Variants in NKAIN3 observed in about 807,000 individuals in gnomAD.
NKAIN3 encodes the protein sodium/potassium transporting ATPase interacting 3, also known as sodium/potassium-transporting ATPase subunit beta-1-interacting protein 3.
A neutral mutation model predicts 30.2 loss-of-function variants in NKAIN3; 25 were observed. The observed-to-expected ratio is 0.83, with a 90% CI of 0.60 to 1.16. The LOEUF is 1.16. Among genes scored for constraint, NKAIN3 ranks in the 50% most tolerant of loss-of-function variants. The pLI is 0.00. For synonymous variants in NKAIN3, 91 were observed against 89.6 expected (o/e 1.02, Z -0.09); for missense variants, 225 against 254.1 (o/e 0.89, Z 0.78).
intron 4 of NKAIN3, among the ~76,000 whole-genome samples, chr8:62,893,695 A>G (rs1821356026): frequency 1.3e-5 from 2 of 152,214 alleles, no homozygotes; most frequent in South Asian, 2.1e-4. Flanking sequence ...CACATAACTA[A>G]CTGTGTACAC....
intron 4 of NKAIN3, among the ~76,000 whole-genome samples, chr8:62,905,102 G>T (rs1821737692): frequency 6.6e-6 from 1 of 152,158 alleles, no homozygotes; most frequent in African/African-American, 2.4e-5. Flanking sequence ...TGCAGAGACT[G>T]TTCAGACTAG....
chr8:62,694,766 A>C (rs1169128350), intron 3 of NKAIN3, among the ~76,000 whole-genome samples: 1 of 152,166 alleles, frequency 6.6e-6, no homozygotes, highest in Admixed American at 6.5e-5. Flanking sequence ...TCTCACTAAA[A>C]CCAAATATTA....
At chr8:62,880,583 G>A (rs1054469562) in intron 4 of NKAIN3, among the ~76,000 whole-genome samples, 19 of 152,186 alleles carry the variant, frequency 1.2e-4, no homozygotes, top group Admixed American at 1.1e-3. Context: ...ACTTTAAGTA[G>A]ATTGATCTTT....
intron 4 of NKAIN3, among the ~76,000 whole-genome samples, chr8:62,844,690 A>G (rs1281509143): frequency 6.6e-6 from 1 of 152,296 alleles, no homozygotes; most frequent in East Asian, 1.9e-4. Context: ...GCTGTACATT[A>G]GAATTTAATG....
chr8:62,905,938 T>C (rs1180229444), intron 4 of NKAIN3, among the ~76,000 whole-genome samples: 1 of 152,188 alleles, frequency 6.6e-6, no homozygotes, highest in Non-Finnish European at 1.5e-5. Flanking sequence ...GTCATTGCTC[T>C]TTACCTGAGA....
At chr8:62,470,243 G>C (rs1806288802) in intron 1 of NKAIN3, among the ~76,000 whole-genome samples, 1 of 152,146 alleles carries the variant, frequency 6.6e-6, no homozygotes, top group Non-Finnish European at 1.5e-5. Context: ...GGCAGTTCTA[G>C]TGCTGTGGTA....
chr8:62,396,315 A>G (rs1439271544), intron 1 of NKAIN3, among the ~76,000 whole-genome samples: 2 of 152,190 alleles, frequency 1.3e-5, no homozygotes, highest in Non-Finnish European at 1.5e-5. Context: ...AAGTCCCCTC[A>G]AAAGCCCCCT....
intron 1 of NKAIN3, among the ~76,000 whole-genome samples, chr8:62,499,441 A>AGTC (rs1807347839): frequency 6.6e-6 from 1 of 152,178 alleles, no homozygotes; most frequent in African/African-American, 2.4e-5. Context: ...ATTCCACTGA[A>AGTC]TGATTCCCAA....
intron 3 of NKAIN3, among the ~76,000 whole-genome samples, chr8:62,731,280 C>T (rs1194281849): frequency 6.7e-6 from 1 of 149,410 alleles, no homozygotes; most frequent in African/African-American, 2.5e-5. Context: ...CACACCCTTC[C>T]TTCTATACAA....
In NKAIN3 at chr8:62,983,167, C is replaced by G. The variant is rs142619669; in HGVS notation, c.*17760C>G. 1 of 152,084 alleles carries G rather than the reference C, an allele frequency of 6.6e-6. No individual in the cohort carries two copies. Among genetic ancestry groups the G allele is most frequent in the Non-Finnish European group, 1.5e-5 (1 of 68,040 alleles). 9.4% of individuals were successfully genotyped at this position (152,084 alleles called of 1,614,324 possible). ...ACTGGGAGACAAATTATGATTGTTG[C>G]GTCCTTCTTTGAAAACACCCCTGCT... On this transcript the variant is annotated 3_prime_UTR_variant, in exon 7 of 7. Transcript: ENST00000623646.
chr8:62,963,643 T>C (rs1017162446), intron 6 of NKAIN3, among the ~76,000 whole-genome samples: 6 of 152,180 alleles, frequency 3.9e-5, no homozygotes, highest in African/African-American at 1.2e-4. Context: ...AATTCCACCA[T>C]TATAATCCCA....
intron 1 of NKAIN3, among the ~76,000 whole-genome samples, chr8:62,461,149 T>G (rs1006918531): frequency 2.0e-5 from 3 of 152,144 alleles, no homozygotes; most frequent in Admixed American, 6.5e-5. Flanking sequence ...TGAAAGTATG[T>G]CTCAACACAC....
intron 1 of NKAIN3, among the ~76,000 whole-genome samples, chr8:62,327,877 T>C (rs947340635): frequency 2.6e-5 from 4 of 152,108 alleles, no homozygotes; most frequent in Non-Finnish European, 4.4e-5. Context: ...GGGGGGATTG[T>C]TGACATTTTA....
intron 4 of NKAIN3, among the ~76,000 whole-genome samples, chr8:62,887,763 A>G (rs1031921931): frequency 6.6e-6 from 1 of 151,990 alleles, no homozygotes; most frequent in Non-Finnish European, 1.5e-5. Context: ...CTCTGCTTAC[A>G]TTGTCCTTGT....
chr8:62,553,333 G>T (rs562715154), intron 1 of NKAIN3, among the ~76,000 whole-genome samples: 1 of 152,040 alleles, frequency 6.6e-6, no homozygotes, highest in Non-Finnish European at 1.5e-5. Flanking sequence ...TTTCTCTGAA[G>T]AAAAATGAAT....
chr8:62,741,737 T>C (rs1815900437), intron 3 of NKAIN3, among the ~76,000 whole-genome samples: 2 of 152,218 alleles, frequency 1.3e-5, no homozygotes, highest in Admixed American at 6.5e-5. Context: ...TTCCTTATGA[T>C]GGCTCCATGT....
intron 3 of NKAIN3, among the ~76,000 whole-genome samples, chr8:62,739,250 C>T (rs1320139626): frequency 1.3e-5 from 2 of 151,278 alleles, no homozygotes; most frequent in African/African-American, 2.4e-5. Flanking sequence ...TAACCCAGAA[C>T]TTAAAGTATA....
At chr8:62,579,714 A>C (rs1810234362) in intron 2 of NKAIN3, 38 bp downstream of exon 2, 1 of 1,235,874 alleles carries the variant, frequency 8.1e-7, no homozygotes, top group South Asian at 2.4e-5. Flanking sequence ...CATATAAACA[A>C]TTCAAAATTT....
chr8:62,625,779 CT>C (rs1463008563), intron 3 of NKAIN3, among the ~76,000 whole-genome samples: 2 of 151,990 alleles, frequency 1.3e-5, no homozygotes, highest in African/African-American at 4.8e-5. Context: ...TTTTCTCTTC[CT>C]TTTTCCTTTG....
Sources: gnomAD v4.1 joint callset for allele counts (sites outside exome capture counted in the v4.1 genomes callset) on GRCh38, gnomAD v4.1.1 for gene constraint, MANE v1.5 for transcripts, NCBI Gene and HGNC (gene_info 2026-07-23, HGNC 2026-07-21) for gene names.